Variants in ABTB3 observed in about 807,000 individuals in gnomAD.
ABTB3 encodes ankyrin repeat- and BTB/POZ domain-containing protein 3.
chr12:107,342,862 C>T, the ABTB3 span, among the ~76,000 whole-genome samples: 7 of 152,230 alleles, frequency 4.6e-5, no homozygotes, highest in East Asian at 1.9e-4. Context: ...TTTGAACCCC[C>T]GTAGGCTTTG....
At chr12:107,464,982 G>A in the ABTB3 span, among the ~76,000 whole-genome samples, 300 of 151,390 alleles carry the variant, frequency 2.0e-3, no homozygotes, top group African/African-American at 6.8e-3. Flanking sequence ...ACACACCCCA[G>A]AGAATTCTCT....
At chr12:107,523,203 C>T in the ABTB3 span, among the ~76,000 whole-genome samples, 10 of 152,190 alleles carry the variant, frequency 6.6e-5, no homozygotes, top group Admixed American at 3.3e-4. Context: ...ATTAAACTTA[C>T]GGCCTGCACC....
chr12:107,611,469 C>T, the ABTB3 span, among the ~76,000 whole-genome samples: 1 of 152,242 alleles, frequency 6.6e-6, no homozygotes, highest in Non-Finnish European at 1.5e-5. Context: ...GCATGAGCCA[C>T]TGGGCCCAGT....
At chr12:107,456,631 A>G in the ABTB3 span, among the ~76,000 whole-genome samples, 1 of 152,148 alleles carries the variant, frequency 6.6e-6, no homozygotes, top group Non-Finnish European at 1.5e-5. Flanking sequence ...TAGAAATAAA[A>G]TATGCAATAA....
the ABTB3 span, among the ~76,000 whole-genome samples, chr12:107,617,988 A>ATT: frequency 6.6e-6 from 1 of 152,026 alleles, no homozygotes; most frequent in Middle Eastern, 3.2e-3. Context: ...CATCTCCTCC[A>ATT]TCCCCAAAAT....
chr12:107,423,010 T>A, the ABTB3 span, among the ~76,000 whole-genome samples: 2 of 152,180 alleles, frequency 1.3e-5, no homozygotes, highest in Non-Finnish European at 2.9e-5. Context: ...TACCTTATGT[T>A]ACCTGCCCTT....
At chr12:107,432,512 T>C in the ABTB3 span, among the ~76,000 whole-genome samples, 2 of 152,316 alleles carry the variant, frequency 1.3e-5, no homozygotes, top group South Asian at 4.1e-4. Flanking sequence ...CCCAGTGCAC[T>C]GAAAGTAGCA....
At chr12:107,484,019 T>A in the ABTB3 span, among the ~76,000 whole-genome samples, 574 of 152,262 alleles carry the variant, frequency 3.8e-3, 5 homozygotes, top group African/African-American at 0.013. Context: ...TCCATTCCAA[T>A]CCACGAATCA....
the ABTB3 span, chr12:107,641,987 G>A: frequency 9.4e-7 from 1 of 1,060,564 alleles, no homozygotes; most frequent in Non-Finnish European, 1.5e-6. Context: ...CAGATTTGCA[G>A]GGGAAGAAAC....
At chr12:107,513,685 A>T in the ABTB3 span, among the ~76,000 whole-genome samples, 1 of 152,212 alleles carries the variant, frequency 6.6e-6, no homozygotes, top group African/African-American at 2.4e-5. Flanking sequence ...CGTTCAATAA[A>T]AAAACATAGA....
the ABTB3 span, chr12:107,374,953 T>C: frequency 1.3e-5 from 2 of 152,314 alleles, no homozygotes; most frequent in African/African-American, 2.4e-5. Flanking sequence ...GGGCCCTGAA[T>C]GAATGCTTTG....
chr12:107,442,033 C>T, the ABTB3 span, among the ~76,000 whole-genome samples: 4 of 152,110 alleles, frequency 2.6e-5, no homozygotes, highest in African/African-American at 7.2e-5. Context: ...TTCCCAGAGA[C>T]GCGATTTTAG....
chr12:107,430,450 T>C, the ABTB3 span, among the ~76,000 whole-genome samples: 2 of 152,364 alleles, frequency 1.3e-5, no homozygotes, highest in Admixed American at 6.5e-5. Context: ...GTACAATTTA[T>C]ACTCTAATAA....
the ABTB3 span, chr12:107,617,231 G>A: frequency 6.2e-7 from 1 of 1,613,544 alleles, no homozygotes; most frequent in Non-Finnish European, 8.5e-7. Context: ...AGTGCACCCT[G>A]GCCCTTGAAG....
chr12:107,454,624 C>T, the ABTB3 span, among the ~76,000 whole-genome samples: 1 of 152,058 alleles, frequency 6.6e-6, no homozygotes, highest in African/African-American at 2.4e-5. Flanking sequence ...TCAGGCAGGC[C>T]CAGGTGCAGT....
chr12:107,467,078 G>A, the ABTB3 span, among the ~76,000 whole-genome samples: 2 of 152,086 alleles, frequency 1.3e-5, no homozygotes, highest in African/African-American at 4.8e-5. Flanking sequence ...CAAATGAAGG[G>A]CTCAGAACTG....
chr12:107,360,240 A>G, the ABTB3 span, among the ~76,000 whole-genome samples: 3 of 152,190 alleles, frequency 2.0e-5, no homozygotes, highest in Admixed American at 6.5e-5. Flanking sequence ...TGGGCTTTGC[A>G]GGATGAATAG....
the ABTB3 span, among the ~76,000 whole-genome samples, chr12:107,419,196 T>G: frequency 6.6e-6 from 1 of 152,254 alleles, no homozygotes; most frequent in Non-Finnish European, 1.5e-5. Flanking sequence ...GGGAACCAGC[T>G]GGGTGGAATG....
the ABTB3 span, among the ~76,000 whole-genome samples, chr12:107,322,613 C>T: frequency 6.7e-6 from 1 of 149,670 alleles, no homozygotes; most frequent in African/African-American, 2.5e-5. Context: ...AAACTTATTA[C>T]AGTTGCCGAA....
Sources: gnomAD v4.1 joint callset for allele counts (sites outside exome capture counted in the v4.1 genomes callset) on GRCh38, gnomAD v4.1.1 for gene constraint, MANE v1.5 for transcripts, NCBI Gene and HGNC (gene_info 2026-07-23, HGNC 2026-07-21) for gene names.